The following OPN1LW variants were observed in gnomAD, a reference collection of about 807,000 sequenced individuals.
OPN1LW encodes the protein opsin 1, long wave sensitive.
Under a neutral mutation model 18.1 loss-of-function variants are expected in OPN1LW, and 4 were observed. The ratio of observed to expected loss-of-function variants is 0.22; its 90% confidence interval spans 0.11 to 0.51. The LOEUF (loss-of-function observed/expected upper bound fraction) is 0.51, where lower values mean the gene tolerates loss of function less well. Ranked by LOEUF, OPN1LW falls within the 20% of genes least tolerant of loss-of-function variation. OPN1LW has a pLI of 0.97. For missense variants in OPN1LW, 164 were observed against 234.9 expected, an observed-to-expected ratio of 0.70 and a Z score of 1.97; for synonymous variants, 86 against 101.2, an observed-to-expected ratio of 0.85 and a Z score of 0.90.
At position 154,154,701 on chromosome X, in the gene OPN1LW, A is replaced by G. The variant is rs1065426; in HGVS notation, c.706A>G (p.Met236Val). 0.1 allele frequency: 124,062 copies of G among 1,187,715 alleles called. 8,689 individuals carry two copies. The highest frequency in any genetic ancestry group is 0.37 in the African/African-American group (20,115 of 55,015). ...TCCIIPLAII[M>V]LCYLQVWLAI... ...CTGCATCATCCCACTCGCTATCATC[A>G]TGCTCTGCTACCTCCAAGTGTGGCT... The change falls in exon 4 of 6, where the codon ATG becomes GTG. Residue 236 changes from methionine (M) to valine (V), a missense_variant. By Grantham distance (21) the Met-to-Val change is conservative. Around this residue, in one of 3 missense-constraint regions of OPN1LW, gnomAD observed 106 missense variants for 167.7 expected, o/e 0.63. Transcript: ENST00000369951.
In OPN1LW at chrX:154,154,589, C is replaced by T; in HGVS notation, c.594C>T (p.Gly198=). ...TTCTCTCCAGGTACTGGCCCCACGG[C>T]CTGAAGACTTCATGCGGCCCAGACG... The part of the protein sequence containing the change: ...IFGWSRYWPH[G]LKTSCGPDVF... Residue 198 remains glycine, a synonymous_variant, in exon 4 of 6, where the codon GGC becomes GGT. Transcript: ENST00000369951. 1 of 1,176,060 alleles carries T rather than the reference C, an allele frequency of 8.5e-7. No homozygotes were observed. Among genetic ancestry groups the T allele is most frequent in the East Asian group, 3.0e-5 (1 of 33,166 alleles).
chrX:154,148,134 GCAGGAGGATCGCTTGAGCC>G (rs1339064210), intron 1 of OPN1LW, among the ~76,000 whole-genome samples: 25 of 101,068 alleles, frequency 2.5e-4, no homozygotes, highest in Admixed American at 1.4e-3. Flanking sequence ...AGAGGCTGAG[GCAGGAGGATCGCTTGAGCC>G]CAGGAGGATC....
In OPN1LW at chrX:154,156,450, C is replaced by A. The variant is rs2067085404; in HGVS notation, c.901C>A (p.Pro301Thr). The A allele has an allele frequency of 1.7e-6, 2 of 1,205,077 alleles. No individual in the cohort carries two copies. Among genetic ancestry groups the A allele is most frequent in the African/African-American group, 1.7e-5 (1 of 57,624 alleles). The change falls in exon 5 of 6, where the codon CCT becomes ACT. Residue 301 changes from proline (P) to threonine (T), a missense_variant. Pro to Thr is a conservative substitution (Grantham distance 38). Transcript: ENST00000369951. ...AAANPGYAFH[P>T]LMAALPAYFA... ...TGCCAACCCTGGTTACGCCTTCCAC[C>A]CTTTGATGGCTGCCCTGCCGGCCTA... is the stretch of plus-strand genomic sequence containing the variant.
At chrX:154,149,697 C>G (rs1659773620) in intron 1 of OPN1LW, among the ~76,000 whole-genome samples, 1 of 62,545 alleles carries the variant, frequency 1.6e-5, no homozygotes, top group Non-Finnish European at 2.6e-5. Flanking sequence ...CTGCAGATTG[C>G]CAACAACTCA....
intron 1 of OPN1LW, 37 bp downstream of exon 1, chrX:154,144,432 C>G: frequency 9.6e-7 from 1 of 1,037,618 alleles, no homozygotes; most frequent in Non-Finnish European, 1.3e-6. Context: ...GGTGGCTGCA[C>G]TGGGGGCCAC....
chrX:154,148,583 A>G, intron 1 of OPN1LW, among the ~76,000 whole-genome samples: 1 of 103,096 alleles, frequency 9.7e-6, no homozygotes, highest in Non-Finnish European at 1.9e-5. Flanking sequence ...CTGTATCTCT[A>G]AATATATAAT....
At chrX:154,145,871 C>A (rs1286804119) in intron 1 of OPN1LW, among the ~76,000 whole-genome samples, 1 of 48,121 alleles carries the variant, frequency 2.1e-5, no homozygotes, top group Non-Finnish European at 3.6e-5. Flanking sequence ...CCCTCCACTA[C>A]CCTTTCTTCC....
At position 154,154,561 on chromosome X, in the gene OPN1LW, C is replaced by A; in HGVS notation, c.579-13C>A. On this transcript the variant is annotated splice_polypyrimidine_tract_variant and intron_variant, in intron 3 of 5. Coordinates refer to ENST00000369951, the MANE Select transcript of OPN1LW (RefSeq NM_020061.6). Reference sequence around the variant, plus strand: ...ACCCTGCATCAGGACTGGCTGCCGGCCCTTCTCTCCAGGTACTGGCCCCAC... The same window carrying A: ...ACCCTGCATCAGGACTGGCTGCCGGACCTTCTCTCCAGGTACTGGCCCCAC... 8.6e-7 allele frequency: 1 copy of A among 1,156,856 alleles called. No homozygotes were observed. The highest frequency in any genetic ancestry group is 1.2e-6 in the Non-Finnish European group (1 of 857,347).
Position 154,156,505 on chromosome X carries a change from C to A in OPN1LW, c.956C>A (p.Pro319His). 8.3e-7 allele frequency: 1 copy of A among 1,203,582 alleles called. No individual in the cohort carries two copies. Among genetic ancestry groups the A allele is most frequent in the Non-Finnish European group, 1.1e-6 (1 of 890,182 alleles). Residue 319 changes from proline (P) to histidine (H), a missense_variant, in exon 5 of 6, where the codon CCC (proline) becomes CAC (histidine). Around this residue, in one of 3 missense-constraint regions of OPN1LW, gnomAD observed 53 missense variants for 50.2 expected, o/e 1.06. Transcript: ENST00000369951. ...YFAKSATIYN[P>H]VIYVFMNRQF... Reference sequence around the variant, plus strand: ...GCCAAAAGTGCCACTATCTACAACCCCGTTATCTATGTCTTTATGAACCGG... The same window carrying A: ...GCCAAAAGTGCCACTATCTACAACCACGTTATCTATGTCTTTATGAACCGG...
intron 1 of OPN1LW, among the ~76,000 whole-genome samples, chrX:154,149,021 T>C (rs1171236878): frequency 2.0e-5 from 2 of 102,324 alleles, no homozygotes; most frequent in Admixed American, 2.0e-4. Flanking sequence ...CTAGCTAACA[T>C]GGTGAAGCCC....
In OPN1LW at chrX:154,156,381, T is replaced by A; in HGVS notation, c.832T>A (p.Cys278Ser). 1 of 1,205,158 alleles carries A rather than the reference T, an allele frequency of 8.3e-7. No homozygotes were observed. The highest frequency in any genetic ancestry group is 1.1e-6 in the Non-Finnish European group (1 of 890,505). The part of the protein sequence containing the change: ...RMVVVMIFAY[C>S]VCWGPYTFFA... ...GGTGGTGGTGATGATCTTTGCGTAC[T>A]GCGTCTGCTGGGGACCCTACACCTT... Residue 278 changes from cysteine (C) to serine (S), a missense_variant, in exon 5 of 6, where the codon TGC becomes AGC. By Grantham distance (112) the Cys-to-Ser change is moderately radical. This residue lies in a region of OPN1LW where 53 missense variants were observed against 50.2 expected (regional missense o/e 1.06). Transcript: ENST00000369951.
chrX:154,154,688 A>G lies in OPN1LW; in HGVS notation c.693A>G (p.Pro231=). ...IVLMVTCCII[P]LAIIMLCYLQ... Reference sequence around the variant, plus strand: ...TCATGGTCACCTGCTGCATCATCCCACTCGCTATCATCATGCTCTGCTACC... The same window carrying G: ...TCATGGTCACCTGCTGCATCATCCCGCTCGCTATCATCATGCTCTGCTACC... Residue 231 remains proline, a synonymous_variant, in exon 4 of 6, where the codon CCA becomes CCG. Coordinates refer to ENST00000369951, the MANE Select transcript of OPN1LW (RefSeq NM_020061.6). The G allele has an allele frequency of 8.4e-7, 1 of 1,193,293 alleles. No individual in the cohort carries two copies.
intron 4 of OPN1LW, 68 bp from the exon 5 acceptor site, chrX:154,156,226 C>A: frequency 2.6e-6 from 3 of 1,142,558 alleles, no homozygotes; most frequent in Non-Finnish European, 3.5e-6. Context: ...CCCCACAACT[C>A]CCTATGCCTG....
chrX:154,154,166 G>C (rs1557157741), intron 3 of OPN1LW, among the ~76,000 whole-genome samples: 1 of 97,772 alleles, frequency 1.0e-5, no homozygotes, highest in Non-Finnish European at 2.0e-5. Context: ...AGATCTCACT[G>C]TGTTCCAGGC....
intron 1 of OPN1LW, among the ~76,000 whole-genome samples, chrX:154,149,392 G>C (rs190089155): frequency 3.0e-5 from 3 of 98,871 alleles, no homozygotes; most frequent in Non-Finnish European, 5.8e-5. Context: ...GCTGGGTGTG[G>C]TGGTGGGTGC....
chrX:154,156,510 A>G lies in OPN1LW; in HGVS notation c.961A>G (p.Ile321Val), dbSNP rs782292319. ...AAGTGCCACTATCTACAACCCCGTTATCTATGTCTTTATGAACCGGCAGGT... is the reference window on the plus strand; with the variant it reads ...AAGTGCCACTATCTACAACCCCGTTGTCTATGTCTTTATGAACCGGCAGGT... ...AKSATIYNPV[I>V]YVFMNRQFRN... Residue 321 changes from isoleucine to valine, a missense_variant, in exon 5 of 6, where the codon ATC becomes GTC. Physicochemically the swap from Ile to Val is conservative, Grantham distance 29 (BLOSUM62 3). Around this residue, in one of 3 missense-constraint regions of OPN1LW, gnomAD observed 53 missense variants for 50.2 expected, o/e 1.06. Transcript: ENST00000369951. 14 of 1,202,997 alleles carry G rather than the reference A, an allele frequency of 1.2e-5. No individual in the cohort carries two copies. In the South Asian group the frequency reaches 2.0e-4, roughly 17 times the overall value.
chrX:154,151,064 C>A, intron 2 of OPN1LW, 112 bp downstream of exon 2: 6 of 1,053,274 alleles, frequency 5.7e-6, no homozygotes, highest in Non-Finnish European at 7.8e-6. Flanking sequence ...TGTCTCCCTC[C>A]CCATCTGCGC....
intron 3 of OPN1LW, among the ~76,000 whole-genome samples, chrX:154,153,701 T>C (rs2067076652): frequency 7.4e-4 from 1 of 1,360 alleles, no homozygotes; most frequent in Admixed American, 6.2e-3. Flanking sequence ...TGTGGTGAGC[T>C]GACCCTGGTG....
intron 1 of OPN1LW, among the ~76,000 whole-genome samples, chrX:154,148,416 C>G (rs2067062839): frequency 9.7e-6 from 1 of 103,040 alleles, no homozygotes; most frequent in South Asian, 4.0e-4. Flanking sequence ...CAGGCGCCCA[C>G]CACCATACCT....
Sources: allele counts gnomAD v4.1 joint callset (sites outside exome capture counted in the v4.1 genomes callset), GRCh38; gene constraint gnomAD v4.1.1; regional missense constraint gnomAD v4.1.1; transcripts MANE v1.5; gene names NCBI Gene and HGNC (gene_info 2026-07-23, HGNC 2026-07-21).